The following TCTN3 variants were observed in gnomAD, a reference collection of about 807,000 sequenced individuals.
TCTN3 encodes tectonic-3.
A neutral mutation model predicts 71.3 loss-of-function variants in TCTN3; 57 were observed. That is an observed-to-expected ratio of 0.80 (90% confidence interval 0.65 to 1.00). The LOEUF (loss-of-function observed/expected upper bound fraction) is 1.00. Among genes scored for constraint, TCTN3 ranks in the 50% least tolerant of loss-of-function variants. The pLI is 0.00. For missense variants in TCTN3, 696 were observed against 719.9 expected (o/e 0.97, Z 0.38); for synonymous variants, 258 against 267.8 (o/e 0.96, Z 0.36).
rs765269909 is a variant in TCTN3, at chr10:95,682,669, G to A, written c.1434C>T (p.Asn478=). Reference sequence around the variant, plus strand: ...TCCTTACTGAAATGCTGCAGTGCCTGTTGAGGATCCTGGTCCACCCTCCTT... The same window carrying A: ...TCCTTACTGAAATGCTGCAGTGCCTATTGAGGATCCTGGTCCACCCTCCTT... ...AQKGGWTRIL[N]RHCSISAINC... is the part of the protein sequence containing the mutation. Residue 478 remains asparagine, a synonymous_variant, in exon 12 of 14, where the codon AAC becomes AAT. Transcript: ENST00000371217. 3.1e-6 allele frequency: 5 copies of A among 1,613,832 alleles called. No homozygotes were observed. Among genetic ancestry groups the A allele is most frequent in the East Asian group, 4.5e-5 (2 of 44,898 alleles).
intron 9 of TCTN3, 136 bp downstream of exon 9, chr10:95,684,363 G>T: frequency 9.4e-7 from 1 of 1,063,138 alleles, no homozygotes; most frequent in Admixed American, 3.1e-5. Flanking sequence ...AATATTAAAT[G>T]TTGAGGCCTC....
At position 95,693,703 on chromosome 10, in the gene TCTN3, A is replaced by C. The variant is rs2097955948; in HGVS notation, c.197T>G (p.Val66Gly). The change falls in exon 1 of 14, where the codon GTG becomes GGG. Residue 66 changes from valine to glycine, a missense_variant. Transcript: ENST00000371217. ...CGAGGGAGTCACGAGAGTAGGGACC[A>C]CTGTAGGGAGTCCAGGCACGGCCGG... ...TRPAVPGLPT[V>G]VPTLVTPSAP... 6.4e-7 allele frequency: 1 copy of C among 1,551,472 alleles called. No homozygotes were observed. Among genetic ancestry groups the C allele is most frequent in the Admixed American group, 2.0e-5 (1 of 50,980 alleles).
At chr10:95,672,420 T>C (rs1188207053) in intron 13 of TCTN3, among the ~76,000 whole-genome samples, 1 of 152,134 alleles carries the variant, frequency 6.6e-6, no homozygotes. Flanking sequence ...GGTAAACACC[T>C]AGGAGTAAAA....
chr10:95,684,184 G>C (rs2097945999), intron 9 of TCTN3, among the ~76,000 whole-genome samples: 2 of 152,294 alleles, frequency 1.3e-5, no homozygotes, highest in South Asian at 4.1e-4. Context: ...AGAACAGCTA[G>C]TTAAAGAATT....
chr10:95,677,232 G>A (rs2097937960), intron 13 of TCTN3, among the ~76,000 whole-genome samples: 1 of 152,056 alleles, frequency 6.6e-6, no homozygotes, highest in African/African-American at 2.4e-5. Flanking sequence ...ATGTAGACAT[G>A]ACATATGATG....
chr10:95,668,561 A>G (rs1263014424), intron 13 of TCTN3, among the ~76,000 whole-genome samples: 1 of 152,228 alleles, frequency 6.6e-6, no homozygotes, highest in Non-Finnish European at 1.5e-5. Context: ...TCATTTAAGC[A>G]TAATGATGAT....
chr10:95,665,082 C>T (rs1375439624), intron 13 of TCTN3, among the ~76,000 whole-genome samples: 1 of 152,126 alleles, frequency 6.6e-6, no homozygotes, highest in Middle Eastern at 3.2e-3. Context: ...ATAGTTTTGC[C>T]TGGAATAACT....
chr10:95,688,490 C>T (rs188756155), intron 3 of TCTN3, among the ~76,000 whole-genome samples: 318 of 150,754 alleles, frequency 2.1e-3, no homozygotes, highest in Non-Finnish European at 1.8e-4. Flanking sequence ...CTAACAGAAT[C>T]GCACTATTTC....
rs949509161 is a variant in TCTN3 at position 95,686,931 on chromosome 10, C to A, written c.852+113G>T. The A allele has an allele frequency of 5.7e-6, 5 of 881,876 alleles. No homozygotes were observed. The African/African-American group carries it at 8.4e-5, about 15-fold the overall frequency. The allele number at this position is 881,876 out of a possible 1,614,324, so 54.6% of individuals were successfully genotyped here. On this transcript the variant is annotated intron_variant, in intron 6 of 13. Transcript: ENST00000371217. Reference sequence around the variant, plus strand: ...TCCAGGCCCTCTGTCTTTTACGTGGCTCCTGGGGATTCTGACTTTTATTCA... The same window carrying A: ...TCCAGGCCCTCTGTCTTTTACGTGGATCCTGGGGATTCTGACTTTTATTCA...
chr10:95,665,469 C>T (rs538881066), intron 13 of TCTN3, among the ~76,000 whole-genome samples: 26 of 152,024 alleles, frequency 1.7e-4, no homozygotes, highest in African/African-American at 5.8e-4. Context: ...TTAGTAGAGA[C>T]GGGGTTTCAC....
chr10:95,678,223 C>T (rs1294992502), intron 13 of TCTN3, among the ~76,000 whole-genome samples: 1 of 152,094 alleles, frequency 6.6e-6, no homozygotes, highest in Non-Finnish European at 1.5e-5. Context: ...TAAGCTATTG[C>T]TATTCTGAGA....
rs937027387 is a variant in TCTN3 at position 95,693,747 on chromosome 10, T to C, written c.153A>G (p.Ser51=). 12 of 1,551,648 alleles carry C rather than the reference T, an allele frequency of 7.7e-6. No individual in the cohort carries two copies. In the Admixed American group the frequency reaches 1.2e-4, roughly 15 times the overall value. ...CGGCCGGGCGAGTTGCAGTCGCCTC[T>C]GAAGGGGACTGGAGGGTTCCGCCAT... ...GTDGGTLQSP[S]EATATRPAVP... is the part of the protein sequence containing the mutation. Residue 51 remains serine (S), a synonymous_variant, in exon 1 of 14, where the codon TCA becomes TCG. Coordinates refer to ENST00000371217, the MANE Select transcript of TCTN3 (RefSeq NM_015631.6).
intron 3 of TCTN3, among the ~76,000 whole-genome samples, chr10:95,689,437 T>C (rs2097951659): frequency 6.6e-6 from 1 of 152,298 alleles, no homozygotes; most frequent in Admixed American, 6.5e-5. Flanking sequence ...TATTTAAACA[T>C]TTCCTTCGGA....
Position 95,687,849 on chromosome 10 carries a change from T to TTTCTTTTTTCCTGG in TCTN3, c.500-131_500-130insCCAGGAAAAAAGAA. The TTTCTTTTTTCCTGG allele has an allele frequency of 2.7e-6, 3 of 1,092,098 alleles. No homozygotes were observed. In the East Asian group the frequency reaches 7.9e-5, roughly 29 times the overall value. The allele number at this position is 1,092,098 out of a possible 1,614,324, so 67.7% of individuals were successfully genotyped here. A position where few individuals can be genotyped will look rare whatever the true frequency, so the allele number is the denominator to read the frequency against. ...TCTTAAGTGTAAACTCAAAGAATTT[T>TTTCTTTTTTCCTGG]TACAAATTTATATACTTGTATTACC... On this transcript the variant is annotated intron_variant, in intron 3 of 13. Coordinates refer to ENST00000371217, the MANE Select transcript of TCTN3 (RefSeq NM_015631.6).
At chr10:95,672,696 T>TC (rs1273450789) in intron 13 of TCTN3, among the ~76,000 whole-genome samples, 1 of 146,174 alleles carries the variant, frequency 6.8e-6, no homozygotes, top group Non-Finnish European at 1.5e-5. Flanking sequence ...TTTTTTTTTT[T>TC]TTTTTTTTTT....
At chr10:95,690,615 C>T (rs902032318) in intron 3 of TCTN3, among the ~76,000 whole-genome samples, 3 of 152,230 alleles carry the variant, frequency 2.0e-5, no homozygotes, top group East Asian at 1.9e-4. Context: ...ATGAGTTCAG[C>T]CAAAGCAGAG....
intron 3 of TCTN3, among the ~76,000 whole-genome samples, chr10:95,690,050 T>C (rs975227864): frequency 8.5e-5 from 13 of 152,286 alleles, no homozygotes; most frequent in Admixed American, 7.8e-4. Flanking sequence ...TGCAGTATAG[T>C]AGCATGATCA....
In TCTN3 at chr10:95,663,635, C is replaced by T. The variant is rs995820862; in HGVS notation, c.*432G>A. On this transcript the variant is annotated 3_prime_UTR_variant, in exon 14 of 14. Transcript: ENST00000371217. ...ACAGCCAGCAGTTTTCTGTTCCAAA[C>T]AGTTAGCTCCTCTACAGTCCAGAGG... The T allele has an allele frequency of 1.2e-5, 2 of 161,274 alleles. No individual in the cohort carries two copies. Among genetic ancestry groups the T allele is most frequent in the African/African-American group, 4.8e-5 (2 of 41,554 alleles). 10.0% of individuals were successfully genotyped at this position (161,274 alleles called of 1,614,324 possible). A position where few individuals can be genotyped will look rare whatever the true frequency, so the allele number is the denominator to read the frequency against.
At chr10:95,685,798 A>G (rs2097947747) in intron 7 of TCTN3, among the ~76,000 whole-genome samples, 162 bp from the exon 8 acceptor site, 1 of 152,180 alleles carries the variant, frequency 6.6e-6, no homozygotes, top group African/African-American at 2.4e-5. Flanking sequence ...AGTCTTTCTA[A>G]ACGAGCACTT....
Sources: allele counts gnomAD v4.1 joint callset (sites outside exome capture counted in the v4.1 genomes callset), GRCh38; gene constraint gnomAD v4.1.1; transcripts MANE v1.5; gene names NCBI Gene and HGNC (gene_info 2026-07-23, HGNC 2026-07-21).